SMOC2: variants seen among roughly 807,000 people sequenced by gnomAD.
The protein encoded by SMOC2 is SPARC-related modular calcium-binding protein 2.
In SMOC2, 39 loss-of-function variants were observed where a neutral mutation model predicts 61.4. The ratio of observed to expected loss-of-function variants is 0.64; its 90% confidence interval spans 0.49 to 0.83. The LOEUF (loss-of-function observed/expected upper bound fraction) is 0.83, where lower values mean the gene tolerates loss of function less well. SMOC2 is among the 40% of genes least tolerant of loss of function. SMOC2 has a pLI of 0.00. For missense variants in SMOC2, 556 were observed against 592.9 expected, an observed-to-expected ratio of 0.94 and a Z score of 0.65; for synonymous variants, 247 against 239.9, an observed-to-expected ratio of 1.03 and a Z score of -0.27.
At chr6:168,455,281 A>T (rs1781558187) in intron 1 of SMOC2, among the ~76,000 whole-genome samples, 1 of 152,210 alleles carries the variant, frequency 6.6e-6, no homozygotes, top group African/African-American at 2.4e-5. Context: ...TCTTTAAGAT[A>T]TAAAAGAATT....
At chr6:168,564,106 A>G (rs1327451972) in intron 7 of SMOC2, among the ~76,000 whole-genome samples, 1 of 152,254 alleles carries the variant, frequency 6.6e-6, no homozygotes, top group African/African-American at 2.4e-5. Context: ...GGTTTTGTAC[A>G]TATTTTAATT....
intron 8 of SMOC2, 28 bp from the exon 9 acceptor site, chr6:168,608,129 C>G (rs772240654): frequency 6.3e-7 from 1 of 1,591,546 alleles, no homozygotes; most frequent in Non-Finnish European, 8.6e-7. Flanking sequence ...TTTTCTCTCT[C>G]CTTCCCCCGC....
chr6:168,505,356 G>C (rs548860874), intron 1 of SMOC2, among the ~76,000 whole-genome samples: 2 of 152,082 alleles, frequency 1.3e-5, no homozygotes, highest in Non-Finnish European at 2.9e-5. Flanking sequence ...TCAGATGCCA[G>C]ATGAATGACT....
intron 7 of SMOC2, among the ~76,000 whole-genome samples, chr6:168,580,346 G>C (rs1007229079): frequency 6.6e-6 from 1 of 152,070 alleles, no homozygotes; most frequent in Non-Finnish European, 1.5e-5. Context: ...TCCTTTTCAC[G>C]GGTATTCCTG....
At chr6:168,524,846 G>A (rs935586395) in intron 2 of SMOC2, among the ~76,000 whole-genome samples, 1 of 152,268 alleles carries the variant, frequency 6.6e-6, no homozygotes. Flanking sequence ...GCATGTGGCC[G>A]GTGGTTCTGC....
intron 1 of SMOC2, among the ~76,000 whole-genome samples, chr6:168,456,945 A>G (rs1167597783): frequency 6.6e-6 from 1 of 152,150 alleles, no homozygotes; most frequent in Non-Finnish European, 1.5e-5. Flanking sequence ...GGGAAAAGCA[A>G]CAACAAGACT....
intron 1 of SMOC2, among the ~76,000 whole-genome samples, chr6:168,469,851 C>T (rs1463472371): frequency 6.6e-6 from 1 of 152,250 alleles, no homozygotes; most frequent in East Asian, 1.9e-4. Context: ...TGGAAATTTC[C>T]ACTCCATTCG....
chr6:168,554,268 T>TA (rs1464964514), intron 7 of SMOC2, among the ~76,000 whole-genome samples: 2 of 152,260 alleles, frequency 1.3e-5, no homozygotes, highest in African/African-American at 4.8e-5. Flanking sequence ...ATGTGATACT[T>TA]ACTCTATGCA....
intron 1 of SMOC2, among the ~76,000 whole-genome samples, chr6:168,496,506 G>A (rs1782593201): frequency 6.6e-6 from 1 of 152,220 alleles, no homozygotes; most frequent in Non-Finnish European, 1.5e-5. Flanking sequence ...TCCAAGCCTG[G>A]GGGAAGCCTA....
chr6:168,587,022 T>C (rs1785062045), intron 7 of SMOC2, among the ~76,000 whole-genome samples: 1 of 152,246 alleles, frequency 6.6e-6, no homozygotes. Flanking sequence ...AGAGTTTTGC[T>C]ATTTAATTAT....
At chr6:168,459,805 C>CGGGCTGGGTGAGCCCT (rs1781680575) in intron 1 of SMOC2, among the ~76,000 whole-genome samples, 1 of 79,238 alleles carries the variant, frequency 1.3e-5, no homozygotes, top group Admixed American at 1.4e-4. Flanking sequence ...GGGTGAGCCC[C>CGGGCTGGGTGAGCCCT]GGGCTGGGTG....
At chr6:168,584,587 T>A (rs1056624805) in intron 7 of SMOC2, among the ~76,000 whole-genome samples, 3 of 152,134 alleles carry the variant, frequency 2.0e-5, no homozygotes, top group African/African-American at 7.2e-5. Context: ...AAGTGGACTA[T>A]GTACTTTTGC....
chr6:168,469,210 A>G (rs543900516), intron 1 of SMOC2, among the ~76,000 whole-genome samples: 1 of 152,312 alleles, frequency 6.6e-6, no homozygotes, highest in South Asian at 2.1e-4. Context: ...TGGTAAAAAG[A>G]GATAAGAGCC....
intron 9 of SMOC2, among the ~76,000 whole-genome samples, chr6:168,620,838 T>G (rs754114275): frequency 2.6e-5 from 4 of 152,190 alleles, no homozygotes; most frequent in Non-Finnish European, 5.9e-5. Flanking sequence ...CTAATAGAAA[T>G]GGCCCAGCTG....
chr6:168,644,676 G>A (rs144782099), intron 9 of SMOC2, among the ~76,000 whole-genome samples: 1 of 127,822 alleles, frequency 7.8e-6, no homozygotes, highest in Non-Finnish European at 1.6e-5. Flanking sequence ...TTGAGACAGA[G>A]TCTCGCTCTG....
In SMOC2 at chr6:168,666,463, C is replaced by G. The variant is rs1020861756; in HGVS notation, c.*25C>G. ...AATGGCTCATACCCCGAAGGCAGTT[C>G]CTAGACACATGGGAAATTTCCCTCA... On this transcript the variant is annotated 3_prime_UTR_variant, in exon 13 of 13. Coordinates refer to ENST00000356284, the MANE Select transcript of SMOC2 (RefSeq NM_001166412.2). 1 of 1,613,196 alleles carries G rather than the reference C, an allele frequency of 6.2e-7. No homozygotes were observed. The highest frequency in any genetic ancestry group is 8.5e-7 in the Non-Finnish European group (1 of 1,179,736).
chr6:168,664,294 T>C, intron 12 of SMOC2, 183 bp downstream of exon 12: 2 of 642,538 alleles, frequency 3.1e-6, no homozygotes, highest in Non-Finnish European at 2.8e-6. Context: ...TGCCGAATTC[T>C]ATCCGAAATC....
intron 7 of SMOC2, among the ~76,000 whole-genome samples, chr6:168,581,464 G>A (rs542593702): frequency 6.6e-6 from 1 of 152,294 alleles, no homozygotes; most frequent in Admixed American, 6.5e-5. Flanking sequence ...CCTGCCACCT[G>A]CAGCTTCAGA....
At chr6:168,650,997 C>T (rs866475338) in intron 10 of SMOC2, among the ~76,000 whole-genome samples, 3 of 152,228 alleles carry the variant, frequency 2.0e-5, no homozygotes, top group Non-Finnish European at 4.4e-5. Flanking sequence ...GGGTACATGG[C>T]CCTGAGCCGT....
Sources: allele counts gnomAD v4.1 joint callset (sites outside exome capture counted in the v4.1 genomes callset), GRCh38; gene constraint gnomAD v4.1.1; transcripts MANE v1.5; gene names NCBI Gene and HGNC (gene_info 2026-07-23, HGNC 2026-07-21).